SI: variants seen among roughly 807,000 people sequenced by gnomAD.
The protein encoded by SI is sucrase-isomaltase.
Under a neutral mutation model 253.3 loss-of-function variants are expected in SI, and 235 were observed. The observed-to-expected ratio is 0.93, with a 90% confidence interval of 0.83 to 1.03. The LOEUF (loss-of-function observed/expected upper bound fraction) is 1.03, where lower values mean the gene tolerates loss of function less well. Among genes scored for constraint, SI ranks in the 50% least tolerant of loss-of-function variants. The pLI is 0.00. For synonymous variants in SI, 819 were observed against 712.0 expected, an observed-to-expected ratio of 1.15 and a Z score of -2.39; for missense variants, 2,442 against 2,211.1, an observed-to-expected ratio of 1.10 and a Z score of -2.09.
intron 22 of SI, among the ~76,000 whole-genome samples, chr3:165,035,262 A>G (rs1712472128): frequency 6.6e-6 from 1 of 152,010 alleles, no homozygotes; most frequent in South Asian, 2.1e-4. Flanking sequence ...CAAGGAAAGG[A>G]CTACTGGTAA....
chr3:165,005,772 G>A (rs918068545), intron 37 of SI, among the ~76,000 whole-genome samples: 4 of 151,898 alleles, frequency 2.6e-5, no homozygotes, highest in South Asian at 4.1e-4. Context: ...TTTCAGACAG[G>A]TTCTTGTTTT....
intron 43 of SI, among the ~76,000 whole-genome samples, 167 bp downstream of exon 43, chr3:164,992,010 T>C (rs1717756147): frequency 6.6e-6 from 1 of 152,104 alleles, no homozygotes; most frequent in African/African-American, 2.4e-5. Flanking sequence ...AAATTAACTC[T>C]CTTTCACTGT....
chr3:165,059,476 T>C (rs1472198941), intron 10 of SI, among the ~76,000 whole-genome samples, 177 bp from the exon 11 acceptor site: 2 of 152,028 alleles, frequency 1.3e-5, no homozygotes, highest in Non-Finnish European at 1.5e-5. Context: ...GTTTTTCTAA[T>C]TATTAAGTAC....
chr3:165,006,812 T>C lies in SI; in HGVS notation c.4406+4A>G. 1 of 1,611,116 alleles carries C rather than the reference T, an allele frequency of 6.2e-7. No homozygotes were observed. Among genetic ancestry groups the C allele is most frequent in the Middle Eastern group, 1.7e-4 (1 of 5,878 alleles). On this transcript the variant is annotated splice_donor_region_variant and intron_variant, in intron 37 of 47. Coordinates refer to ENST00000264382, the MANE Select transcript of SI (RefSeq NM_001041.4). ...CAGAGAGGATAATTCAGAACATTGC[T>C]TACTCATGAGTAGGTTTCATCTGTG...
At chr3:165,049,701 T>C in intron 14 of SI, 90 bp downstream of exon 14, 1 of 769,766 alleles carries the variant, frequency 1.3e-6, no homozygotes, top group Non-Finnish European at 2.3e-6. Context: ...TACCAAAAAT[T>C]GTAATTTAGA....
chr3:165,050,709 C>A (rs1266246155), intron 13 of SI, among the ~76,000 whole-genome samples: 1 of 152,088 alleles, frequency 6.6e-6, no homozygotes, highest in African/African-American at 2.4e-5. Context: ...TAATAGTCTC[C>A]TTTCACATAA....
intron 22 of SI, 141 bp downstream of exon 22, chr3:165,036,248 A>G: frequency 1.6e-6 from 1 of 638,890 alleles, no homozygotes. Context: ...AAAGTAGCCT[A>G]AAAGCCTGAA....
At chr3:165,032,046 C>G (rs1020412486) in intron 24 of SI, among the ~76,000 whole-genome samples, 1 of 150,810 alleles carries the variant, frequency 6.6e-6, no homozygotes, top group Non-Finnish European at 1.5e-5. Context: ...AGTGTAAACA[C>G]AAAATTAAAG....
intron 12 of SI, among the ~76,000 whole-genome samples, chr3:165,058,757 A>T (rs1474151690): frequency 6.6e-6 from 1 of 151,750 alleles, no homozygotes; most frequent in African/African-American, 2.4e-5. Flanking sequence ...TACATTTTTC[A>T]TGACTTCTTA....
At chr3:165,087,481 A>G in the SI span, among the ~76,000 whole-genome samples, 1 of 152,182 alleles carries the variant, frequency 6.6e-6, no homozygotes, top group Non-Finnish European at 1.5e-5. Context: ...CACACTCTGC[A>G]AGCCAACCAT....
intron 2 of SI, 144 bp from the exon 3 acceptor site, chr3:165,074,811 C>G (rs1714843166): frequency 3.0e-6 from 2 of 657,330 alleles, no homozygotes; most frequent in African/African-American, 3.7e-5. Flanking sequence ...TTAAAAAGAC[C>G]CACAATTTCA....
intron 3 of SI, among the ~76,000 whole-genome samples, chr3:165,071,740 C>T (rs920215046): frequency 2.0e-5 from 3 of 152,050 alleles, no homozygotes; most frequent in African/African-American, 4.8e-5. Context: ...ATCTCTTTCT[C>T]TCTGTGCACG....
At chr3:165,034,709 T>C (rs1712438282) in intron 22 of SI, among the ~76,000 whole-genome samples, 1 of 152,000 alleles carries the variant, frequency 6.6e-6, no homozygotes, top group Admixed American at 6.6e-5. Flanking sequence ...TGTATGTGTG[T>C]GCGTGCATGC....
intron 37 of SI, among the ~76,000 whole-genome samples, chr3:165,002,583 A>G (rs1718304480): frequency 6.6e-6 from 1 of 151,776 alleles, no homozygotes; most frequent in South Asian, 2.1e-4. Context: ...TGAGAAAAAA[A>G]CGTGTGTTTA....
intron 17 of SI, 21 bp downstream of exon 17, chr3:165,043,038 T>A: frequency 7.3e-7 from 1 of 1,372,258 alleles, no homozygotes; most frequent in South Asian, 1.2e-5. Context: ...TTTCGCAACA[T>A]GGAGAACAAG....
intron 20 of SI, 103 bp downstream of exon 20, chr3:165,038,975 A>T: frequency 1.5e-6 from 1 of 679,876 alleles, no homozygotes; most frequent in Non-Finnish European, 2.5e-6. Context: ...AATTCTAAAA[A>T]TATGTATGCT....
chr3:165,008,847 A>AT (rs1488631367), intron 35 of SI, among the ~76,000 whole-genome samples: 11 of 151,982 alleles, frequency 7.2e-5, no homozygotes, highest in African/African-American at 2.6e-4. Context: ...TATCTAAAAA[A>AT]ATATATTATT....
the SI span, among the ~76,000 whole-genome samples, chr3:165,084,712 T>A: frequency 6.6e-6 from 1 of 152,012 alleles, no homozygotes; most frequent in African/African-American, 2.4e-5. Context: ...TTCTAGGAAA[T>A]TTATTACAGA....
At chr3:165,007,223 C>T (rs1718556084) in intron 36 of SI, among the ~76,000 whole-genome samples, 1 of 152,026 alleles carries the variant, frequency 6.6e-6, no homozygotes, top group Admixed American at 6.6e-5. Flanking sequence ...ATGGAAAACA[C>T]TGATTAGAGT....
Sources: gnomAD v4.1 joint callset for allele counts (sites outside exome capture counted in the v4.1 genomes callset) on GRCh38, gnomAD v4.1.1 for gene constraint, MANE v1.5 for transcripts, NCBI Gene and HGNC (gene_info 2026-07-23, HGNC 2026-07-21) for gene names.